The following AP3B1 variants were observed in gnomAD, a reference collection of about 807,000 sequenced individuals.
The protein encoded by AP3B1 is adaptor related protein complex 3 subunit beta 1.
AP3B1 carries 61 observed loss-of-function variants against 132.5 expected under a neutral mutation model. That is an observed-to-expected ratio of 0.46 (90% CI 0.37 to 0.57). The LOEUF (loss-of-function observed/expected upper bound fraction) is 0.57. Ranked by LOEUF, AP3B1 falls within the 20% of genes least tolerant of loss-of-function variation. The pLI is 0.00. For missense variants in AP3B1, 1,120 were observed against 1,289.4 expected (o/e 0.87, Z 2.01); for synonymous variants, 388 against 438.3 (o/e 0.89, Z 1.43).
chr5:78,097,848 TG>T (rs1435125555), intron 21 of AP3B1, among the ~76,000 whole-genome samples: 1 of 151,962 alleles, frequency 6.6e-6, no homozygotes. Flanking sequence ...CGGGGAAAGG[TG>T]GGGAAAAGAT....
chr5:78,177,798 C>T (rs1744210931), intron 8 of AP3B1, among the ~76,000 whole-genome samples: 1 of 152,022 alleles, frequency 6.6e-6, no homozygotes, highest in Non-Finnish European at 1.5e-5. Flanking sequence ...TGTGATACAC[C>T]CATAAGCCAA....
intron 7 of AP3B1, among the ~76,000 whole-genome samples, chr5:78,206,591 A>G (rs1745513797): frequency 6.6e-6 from 1 of 152,192 alleles, no homozygotes; most frequent in Non-Finnish European, 1.5e-5. Context: ...TCAAAAGCAT[A>G]TCACTCAACA....
intron 14 of AP3B1, among the ~76,000 whole-genome samples, chr5:78,142,112 AC>A (rs1450461694): frequency 6.6e-6 from 1 of 152,226 alleles, no homozygotes; most frequent in Non-Finnish European, 1.5e-5. Context: ...TATTTGGTCA[AC>A]AAAAGAAACA....
intron 2 of AP3B1, among the ~76,000 whole-genome samples, chr5:78,255,185 G>C (rs1364480508): frequency 2.0e-5 from 3 of 151,810 alleles, no homozygotes; most frequent in East Asian, 3.8e-4. Flanking sequence ...AAAGAAGGAA[G>C]AGAAAACCAT....
chr5:78,205,800 C>T (rs528046878), intron 7 of AP3B1, among the ~76,000 whole-genome samples: 1 of 151,914 alleles, frequency 6.6e-6, no homozygotes, highest in Non-Finnish European at 1.5e-5. Flanking sequence ...TTCAGCAGGA[C>T]ATACACAGAA....
At chr5:78,187,617 A>T (rs934673761) in intron 7 of AP3B1, among the ~76,000 whole-genome samples, 3 of 152,232 alleles carry the variant, frequency 2.0e-5, no homozygotes, top group African/African-American at 7.2e-5. Flanking sequence ...TTCCATGCTC[A>T]TGGATAGGAA....
intron 7 of AP3B1, among the ~76,000 whole-genome samples, chr5:78,185,469 A>G (rs1328316860): frequency 2.0e-5 from 3 of 152,242 alleles, no homozygotes; most frequent in Admixed American, 2.0e-4. Context: ...CTAAGTGGTT[A>G]AAAAGTTTGC....
intron 7 of AP3B1, among the ~76,000 whole-genome samples, chr5:78,214,166 G>A (rs1300634263): frequency 6.6e-6 from 1 of 152,194 alleles, no homozygotes; most frequent in African/African-American, 2.4e-5. Flanking sequence ...GCCCATTCCA[G>A]TATGCCAGGG....
chr5:78,257,575 T>C (rs1316313361), intron 2 of AP3B1, among the ~76,000 whole-genome samples: 1 of 152,198 alleles, frequency 6.6e-6, no homozygotes, highest in Non-Finnish European at 1.5e-5. Flanking sequence ...GGCTCAATAT[T>C]GTTAAAATGT....
At chr5:78,070,797 C>G (rs544605418) in intron 22 of AP3B1, among the ~76,000 whole-genome samples, 3 of 151,466 alleles carry the variant, frequency 2.0e-5, no homozygotes, top group African/African-American at 7.3e-5. Context: ...ATGTGGCCAA[C>G]AAACATGAAA....
chr5:78,091,274 T>G (rs1304379915), intron 21 of AP3B1, among the ~76,000 whole-genome samples: 2 of 103,698 alleles, frequency 1.9e-5, no homozygotes, highest in Non-Finnish European at 4.0e-5. Flanking sequence ...TACATGTATT[T>G]GACAAAAAAA....
intron 22 of AP3B1, among the ~76,000 whole-genome samples, chr5:78,052,180 T>C (rs1748612047): frequency 6.6e-6 from 1 of 152,178 alleles, no homozygotes; most frequent in Non-Finnish European, 1.5e-5. Flanking sequence ...AAATTTATGA[T>C]AATTTCTCAT....
At chr5:78,194,832 A>G (rs1057195305) in intron 7 of AP3B1, among the ~76,000 whole-genome samples, 2 of 152,202 alleles carry the variant, frequency 1.3e-5, no homozygotes, top group African/African-American at 4.8e-5. Context: ...ACAGAAGTAA[A>G]GATGCTTTCC....
chr5:78,207,491 A>C (rs754330541), intron 7 of AP3B1, among the ~76,000 whole-genome samples: 4 of 152,110 alleles, frequency 2.6e-5, no homozygotes, highest in Non-Finnish European at 5.9e-5. Context: ...ATGGTAGACA[A>C]AGATTATAAA....
chr5:78,034,539 T>A (rs1205098131), intron 23 of AP3B1, 94 bp from the exon 24 acceptor site: 6 of 966,802 alleles, frequency 6.2e-6, no homozygotes, highest in Non-Finnish European at 6.7e-6. Context: ...TGTAGCTTGG[T>A]TGAAACTGTG....
At chr5:78,156,698 T>C (rs1301284660) in intron 13 of AP3B1, among the ~76,000 whole-genome samples, 1 of 152,170 alleles carries the variant, frequency 6.6e-6, no homozygotes, top group Admixed American at 6.5e-5. Flanking sequence ...TTAACCAGAG[T>C]CCTCAAATAT....
intron 7 of AP3B1, among the ~76,000 whole-genome samples, chr5:78,214,364 A>C (rs1300464326): frequency 6.6e-6 from 1 of 152,226 alleles, no homozygotes; most frequent in African/African-American, 2.4e-5. Context: ...AAATAAGATA[A>C]AATTCAAGGA....
chr5:78,141,562 T>C (rs1471318578), intron 14 of AP3B1, among the ~76,000 whole-genome samples: 8 of 152,164 alleles, frequency 5.3e-5, no homozygotes, highest in African/African-American at 1.9e-4. Flanking sequence ...AAACCGATGG[T>C]CTAGAATCTA....
intron 14 of AP3B1, among the ~76,000 whole-genome samples, 153 bp from the exon 15 acceptor site, chr5:78,141,472 G>C (rs1319388256): frequency 6.6e-6 from 1 of 152,046 alleles, no homozygotes; most frequent in Non-Finnish European, 1.5e-5. Context: ...ATTTTCGTCA[G>C]TTATCAAAAA....
Sources: gnomAD v4.1 joint callset for allele counts (sites outside exome capture counted in the v4.1 genomes callset) on GRCh38, gnomAD v4.1.1 for gene constraint, MANE v1.5 for transcripts, NCBI Gene and HGNC (gene_info 2026-07-23, HGNC 2026-07-21) for gene names.